CTNND2: variants seen among roughly 807,000 people sequenced by gnomAD.
CTNND2 encodes catenin delta 2, also known as catenin delta-2.
A neutral mutation model predicts 144.4 loss-of-function variants in CTNND2; 22 were observed. That is an observed-to-expected ratio of 0.15 (90% CI 0.11 to 0.22). The LOEUF (loss-of-function observed/expected upper bound fraction) is 0.22, where lower values mean the gene tolerates loss of function less well. Ranked by LOEUF, CTNND2 falls within the 10% of genes least tolerant of loss-of-function variation. The probability of loss-of-function intolerance (pLI) is 1.00; values close to 1 mark genes in which losing one functional copy is unlikely to be tolerated. For missense variants in CTNND2, 1,353 were observed against 1,618.8 expected (o/e 0.84, Z 2.82); for synonymous variants, 751 against 695.6 (o/e 1.08, Z -1.25).
At chr5:11,504,274 G>A (rs893317958) in intron 3 of CTNND2, among the ~76,000 whole-genome samples, 2 of 152,180 alleles carry the variant, frequency 1.3e-5, no homozygotes, top group South Asian at 2.1e-4. Flanking sequence ...TGCTGCTGCC[G>A]CTGCTGCTGA....
chr5:10,986,545 T>G, intron 20 of CTNND2: 1 of 447,306 alleles, frequency 2.2e-6, no homozygotes, highest in Non-Finnish European at 4.5e-6. Flanking sequence ...ATGTCTAGAC[T>G]CCAGGGACTC....
intron 1 of CTNND2, among the ~76,000 whole-genome samples, chr5:11,844,678 T>C (rs1372175831): frequency 1.3e-5 from 2 of 152,176 alleles, no homozygotes; most frequent in Non-Finnish European, 2.9e-5. Context: ...TGAACTCTTT[T>C]ATAGGTACCA....
intron 1 of CTNND2, among the ~76,000 whole-genome samples, chr5:11,879,326 A>C (rs1287644890): frequency 1.8e-5 from 1 of 56,450 alleles, no homozygotes; most frequent in African/African-American, 6.0e-5. Flanking sequence ...AAGTGTATTA[A>C]AAAATTAAAT....
chr5:11,154,312 T>C (rs1758018457), intron 12 of CTNND2, among the ~76,000 whole-genome samples: 1 of 152,194 alleles, frequency 6.6e-6, no homozygotes. Context: ...GATCCGTGTG[T>C]GGGGAGACCC....
At chr5:11,415,763 G>C (rs1412643566) in intron 3 of CTNND2, among the ~76,000 whole-genome samples, 1 of 152,132 alleles carries the variant, frequency 6.6e-6, no homozygotes, top group Non-Finnish European at 1.5e-5. Context: ...CAGGCACTTT[G>C]AGGAAAACAC....
At chr5:11,726,102 T>A (rs1029449359) in intron 2 of CTNND2, among the ~76,000 whole-genome samples, 1 of 152,194 alleles carries the variant, frequency 6.6e-6, no homozygotes, top group Non-Finnish European at 1.5e-5. Flanking sequence ...TCTTTTTTTT[T>A]CAAACCTTTG....
At chr5:11,626,563 G>C (rs1781167852) in intron 2 of CTNND2, among the ~76,000 whole-genome samples, 1 of 152,084 alleles carries the variant, frequency 6.6e-6, no homozygotes, top group Non-Finnish European at 1.5e-5. Context: ...TTAAGTGGTT[G>C]AGTCCTGGAA....
At position 11,517,280 on chromosome 5, in the gene CTNND2, T is replaced by C. The variant is rs1035091928; in HGVS notation, c.287+47664A>G. Among the ~76,000 whole-genome samples, 11 of 152,202 alleles carry C rather than the reference T, an allele frequency of 7.2e-5. No homozygotes were observed. In the South Asian group the frequency reaches 8.3e-4, roughly 11 times the overall value. On this transcript the variant is annotated intron_variant, in intron 3 of 21. Coordinates refer to ENST00000304623, the MANE Select transcript of CTNND2 (RefSeq NM_001332.4). ...CTCTGCTACAACTTACACTTATTAA[T>C]TGATGTAAAAGAAAATATTAAAAAG...
At chr5:11,061,469 C>T (rs912062623) in intron 16 of CTNND2, among the ~76,000 whole-genome samples, 3 of 152,106 alleles carry the variant, frequency 2.0e-5, no homozygotes, top group African/African-American at 4.8e-5. Context: ...TTTCCAGCTA[C>T]AACAACATTG....
intron 3 of CTNND2, among the ~76,000 whole-genome samples, chr5:11,528,704 G>A (rs143378992): frequency 1.7e-3 from 254 of 152,294 alleles, no homozygotes; most frequent in Non-Finnish European, 2.7e-3. Flanking sequence ...GGAGTTGGCC[G>A]TGCTGGCCTT....
At chr5:11,678,014 G>C (rs1180889435) in intron 2 of CTNND2, among the ~76,000 whole-genome samples, 1 of 152,130 alleles carries the variant, frequency 6.6e-6, no homozygotes, top group Non-Finnish European at 1.5e-5. Context: ...AAGAGGGTGA[G>C]AGACTTCCTT....
At chr5:11,220,808 C>T (rs1739713710) in intron 10 of CTNND2, among the ~76,000 whole-genome samples, 1 of 152,184 alleles carries the variant, frequency 6.6e-6, no homozygotes, top group Admixed American at 6.5e-5. Context: ...GCCTAATCTC[C>T]TAATATATCA....
intron 1 of CTNND2, among the ~76,000 whole-genome samples, chr5:11,763,253 T>C (rs976949515): frequency 1.1e-4 from 16 of 152,140 alleles, no homozygotes; most frequent in African/African-American, 3.9e-4. Flanking sequence ...TCTTTATAAA[T>C]TACCCAGTCT....
At chr5:10,994,205 C>T (rs1438840825) in intron 18 of CTNND2, among the ~76,000 whole-genome samples, 2 of 135,276 alleles carry the variant, frequency 1.5e-5, no homozygotes, top group African/African-American at 5.8e-5. Flanking sequence ...GAAGGAAAAA[C>T]CAAGCCGGAT....
intron 1 of CTNND2, among the ~76,000 whole-genome samples, chr5:11,768,960 T>C (rs1789757657): frequency 1.3e-5 from 2 of 152,184 alleles, no homozygotes; most frequent in South Asian, 4.1e-4. Flanking sequence ...CCATTTCTCA[T>C]TAAGGGGAAA....
intron 21 of CTNND2, among the ~76,000 whole-genome samples, chr5:10,978,684 G>A (rs762305799): frequency 3.9e-5 from 6 of 152,164 alleles, no homozygotes; most frequent in Admixed American, 1.3e-4. Flanking sequence ...CGAGAGATGC[G>A]GAGCTTGCTC....
At chr5:11,472,350 T>C (rs535771442) in intron 3 of CTNND2, among the ~76,000 whole-genome samples, 298 of 152,344 alleles carry the variant, frequency 2.0e-3, no homozygotes, top group African/African-American at 6.8e-3. Context: ...TTTATCATTT[T>C]ACTTTTATAA....
chr5:11,209,862 C>CA (rs1738442950), intron 10 of CTNND2, among the ~76,000 whole-genome samples: 1 of 152,106 alleles, frequency 6.6e-6, no homozygotes, highest in Non-Finnish European at 1.5e-5. Context: ...GTGGAGCTTG[C>CA]AGTGAGCCGA....
rs1755188318 is a variant in CTNND2, at chr5:11,129,131, TTATATATATTATATATAAAA to T, written c.2160-11584_2160-11565del. ...TATATATATTATATATAATATATAT[TTATATATATTATATATAAAA>T]TATACATATATTATATATTATATAT... On this transcript the variant is annotated intron_variant, in intron 12 of 21. Transcript: ENST00000304623. 7.2e-5 allele frequency among the ~76,000 whole-genome samples: 2 copies of T among 27,750 alleles called. 1 individual carries two copies. The highest frequency in any genetic ancestry group is 1.3e-4 in the Non-Finnish European group (2 of 15,902). 18.2% of individuals were successfully genotyped at this position (27,750 alleles called of 152,430 possible).
Sources: gnomAD v4.1 joint callset for allele counts (sites outside exome capture counted in the v4.1 genomes callset) on GRCh38, gnomAD v4.1.1 for gene constraint, MANE v1.5 for transcripts, NCBI Gene and HGNC (gene_info 2026-07-23, HGNC 2026-07-21) for gene names.